Variants in PEAK1 observed in about 807,000 individuals in gnomAD.
PEAK1 encodes the protein pseudopodium enriched atypical kinase 1.
In PEAK1, 54 loss-of-function variants were observed where a neutral mutation model predicts 124.7. The ratio of observed to expected loss-of-function variants is 0.43; its 90% CI spans 0.35 to 0.54. PEAK1 has a LOEUF of 0.54. Ranked by LOEUF, PEAK1 falls within the 20% of genes least tolerant of loss-of-function variation. The probability of loss-of-function intolerance (pLI) is 0.01; values close to 1 mark genes in which losing one functional copy is unlikely to be tolerated. For synonymous variants in PEAK1, 719 were observed against 760.0 expected (o/e 0.95, Z 0.89); for missense variants, 2,046 against 2,134.5 (o/e 0.96, Z 0.82).
intron 6 of PEAK1, chr15:77,239,869 C>T (rs935391646): frequency 1.0e-6 from 1 of 984,134 alleles, no homozygotes; most frequent in African/African-American, 1.7e-5. Flanking sequence ...TTCCACATTT[C>T]CAAATTTGAG....
chr15:77,197,597 G>T (rs6495235), intron 6 of PEAK1, among the ~76,000 whole-genome samples: 151,441 of 152,270 alleles, frequency 0.99, 75,314 homozygotes, highest in East Asian at 1. Flanking sequence ...GCATCTAGCA[G>T]AGAAGTAGGT....
At chr15:77,384,059 C>T (rs1597536252) in intron 1 of PEAK1, among the ~76,000 whole-genome samples, 2 of 152,118 alleles carry the variant, frequency 1.3e-5, no homozygotes, top group East Asian at 1.9e-4. Context: ...TAAGTGAATT[C>T]AATACTAATT....
chr15:77,346,683 T>A (rs2066891861), intron 2 of PEAK1: 1 of 983,832 alleles, frequency 1.0e-6, no homozygotes, highest in Non-Finnish European at 1.2e-6. Context: ...AAACATTAAT[T>A]GTATCTTCCT....
chr15:77,286,052 G>C (rs1008190594), intron 3 of PEAK1, among the ~76,000 whole-genome samples: 10 of 152,050 alleles, frequency 6.6e-5, no homozygotes, highest in Non-Finnish European at 1.2e-4. Context: ...CTGGTATGTT[G>C]TATCTTTGTT....
intron 8 of PEAK1, among the ~76,000 whole-genome samples, chr15:77,137,514 G>T (rs2053434480): frequency 6.6e-6 from 1 of 152,216 alleles, no homozygotes; most frequent in Admixed American, 6.5e-5. Context: ...AATCAAGGGA[G>T]ATCATTTGGG....
chr15:77,225,242 C>A (rs2059576926), intron 6 of PEAK1, among the ~76,000 whole-genome samples: 1 of 151,944 alleles, frequency 6.6e-6, no homozygotes, highest in Non-Finnish European at 1.5e-5. Context: ...TTTCAAGTAT[C>A]ACACTACATT....
chr15:77,198,257 T>C (rs2152841888), intron 6 of PEAK1, among the ~76,000 whole-genome samples: 1 of 152,342 alleles, frequency 6.6e-6, no homozygotes, highest in Non-Finnish European at 1.5e-5. Context: ...ACAGTTCATC[T>C]CTCCAATAAA....
At chr15:77,363,695 G>T (rs769982087) in intron 2 of PEAK1, among the ~76,000 whole-genome samples, 19 of 152,040 alleles carry the variant, frequency 1.2e-4, no homozygotes, top group Non-Finnish European at 2.4e-4. Context: ...CTGACACTAT[G>T]GAATATTATT....
intron 2 of PEAK1, among the ~76,000 whole-genome samples, chr15:77,342,168 A>C (rs1025796036): frequency 7.3e-5 from 11 of 151,296 alleles, no homozygotes; most frequent in Admixed American, 5.3e-4. Flanking sequence ...AAAAAAAAAA[A>C]AAAAACACAC....
Position 77,347,787 on chromosome 15 carries a change from T to C in PEAK1, c.-603+17376A>G, listed in dbSNP as rs561226821. 1.0e-4 allele frequency: 100 copies of C among 984,640 alleles called. 1 individual carries two copies. In the South Asian group the frequency reaches 4.0e-3, roughly 40 times the overall value. The allele number at this position is 984,640 out of a possible 1,614,324, so 61.0% of individuals were successfully genotyped here. A position where few individuals can be genotyped will look rare whatever the true frequency, so the allele number is the denominator to read the frequency against. ...AAAGAAAAAAAATTTAGTGAGTGTA[T>C]AGATCATCTGTTTTCCTTCTATAGC... On this transcript the variant is annotated intron_variant, in intron 2 of 9. Coordinates refer to ENST00000682557, the MANE Select transcript of PEAK1 (RefSeq NM_001385026.1).
chr15:77,182,167 A>C, intron 6 of PEAK1, 127 bp from the exon 7 acceptor site: 1 of 835,872 alleles, frequency 1.2e-6, no homozygotes, highest in Non-Finnish European at 1.6e-6. Context: ...CTGAGAGCTA[A>C]ACTAATTTGT....
At chr15:77,411,019 T>C (rs1027997242) in intron 1 of PEAK1, among the ~76,000 whole-genome samples, 2 of 152,224 alleles carry the variant, frequency 1.3e-5, no homozygotes, top group Admixed American at 6.5e-5. Context: ...TAAAATGTTT[T>C]ACTAAAACTT....
chr15:77,118,319 T>A (rs2051583841), intron 9 of PEAK1, among the ~76,000 whole-genome samples: 2 of 152,106 alleles, frequency 1.3e-5, no homozygotes, highest in African/African-American at 4.8e-5. Context: ...ATCTCATAAA[T>A]CTTTATTATG....
intron 2 of PEAK1, among the ~76,000 whole-genome samples, chr15:77,319,126 T>C (rs1237785188): frequency 5.3e-5 from 8 of 152,152 alleles, no homozygotes; most frequent in African/African-American, 1.7e-4. Context: ...ACTACTCTGA[T>C]CTAATGTCCT....
chr15:77,415,678 T>A (rs900274261), intron 1 of PEAK1, among the ~76,000 whole-genome samples: 1 of 152,232 alleles, frequency 6.6e-6, no homozygotes, highest in African/African-American at 2.4e-5. Flanking sequence ...AGTTACAAAC[T>A]TATTTACATT....
At chr15:77,258,864 G>T (rs1260910395) in intron 5 of PEAK1, among the ~76,000 whole-genome samples, 2 of 152,144 alleles carry the variant, frequency 1.3e-5, no homozygotes, top group Non-Finnish European at 2.9e-5. Context: ...CTGTGGGTTT[G>T]TCATAGATAG....
chr15:77,335,201 TC>T, intron 2 of PEAK1: 2 of 985,396 alleles, frequency 2.0e-6, no homozygotes, highest in Non-Finnish European at 2.4e-6. Flanking sequence ...AACTTAAGAG[TC>T]CTCTCTCAGA....
At chr15:77,322,638 T>C (rs896999061) in intron 2 of PEAK1, among the ~76,000 whole-genome samples, 25 of 152,120 alleles carry the variant, frequency 1.6e-4, no homozygotes, top group African/African-American at 5.6e-4. Context: ...CAATAATTAA[T>C]AGCTTACCAA....
At chr15:77,325,118 C>A (rs2065483118) in intron 2 of PEAK1, among the ~76,000 whole-genome samples, 2 of 152,200 alleles carry the variant, frequency 1.3e-5, no homozygotes, top group South Asian at 4.1e-4. Context: ...AGAATACATT[C>A]TCTCAAAACC....
Sources: allele counts gnomAD v4.1 joint callset (sites outside exome capture counted in the v4.1 genomes callset), GRCh38; gene constraint gnomAD v4.1.1; transcripts MANE v1.5; gene names NCBI Gene and HGNC (gene_info 2026-07-23, HGNC 2026-07-21).